Variants in LRP1B observed in about 807,000 individuals in gnomAD.
LRP1B encodes LDL receptor related protein 1B, also known as low-density lipoprotein receptor-related protein 1B.
In LRP1B, 217 loss-of-function variants were observed where a neutral mutation model predicts 556.6. That is an observed-to-expected ratio of 0.39 (90% CI 0.35 to 0.44). LRP1B has a LOEUF of 0.44. LRP1B is among the 20% of genes least tolerant of loss of function. LRP1B has a pLI of 1.00. For missense variants in LRP1B, 5,053 were observed against 5,620.8 expected, an observed-to-expected ratio of 0.90 and a Z score of 3.23; for synonymous variants, 2,047 against 1,865.8, an observed-to-expected ratio of 1.10 and a Z score of -2.50.
chr2:141,079,149 AG>A (rs762043874), intron 7 of LRP1B, among the ~76,000 whole-genome samples: 3 of 152,108 alleles, frequency 2.0e-5, no homozygotes, highest in Non-Finnish European at 2.9e-5. Flanking sequence ...ATCATTTGCA[AG>A]TATAAAAAAC....
chr2:141,734,692 C>T (rs958079603), intron 2 of LRP1B, among the ~76,000 whole-genome samples: 13 of 152,052 alleles, frequency 8.5e-5, no homozygotes, highest in African/African-American at 2.9e-4. Flanking sequence ...TGCCTGTCTC[C>T]TTGGCATTAT....
At chr2:141,379,119 A>C (rs1451766254) in intron 3 of LRP1B, among the ~76,000 whole-genome samples, 4 of 152,184 alleles carry the variant, frequency 2.6e-5, no homozygotes, top group African/African-American at 7.2e-5. Flanking sequence ...AGCAGTAAAG[A>C]AGCAGCAATT....
intron 41 of LRP1B, among the ~76,000 whole-genome samples, chr2:140,674,505 T>C (rs1038061714): frequency 6.6e-6 from 1 of 152,204 alleles, no homozygotes; most frequent in Non-Finnish European, 1.5e-5. Context: ...TCCAGATCTT[T>C]AGATAACAAT....
Position 140,951,863 on chromosome 2 carries a change from A to T in LRP1B, c.2965T>A (p.Ser989Thr), listed in dbSNP as rs2105302779. 6.2e-7 allele frequency: 1 copy of T among 1,612,486 alleles called. No homozygotes were observed. The highest frequency in any genetic ancestry group is 1.1e-5 in the South Asian group (1 of 91,046). The change falls in exon 19 of 91, where the codon TCT becomes ACT. Residue 989 changes from serine (S) to threonine (T), a missense_variant. This residue lies in a region of LRP1B where 3,619 missense variants were observed against 3,931.9 expected (regional missense o/e 0.92). Coordinates refer to ENST00000389484, the MANE Select transcript of LRP1B (RefSeq NM_018557.3). ...ACAGTGAGCATTTGGTACTTGCCAG[A>T]GTCGCAGTGCCATTTGCTGCTAATG... is the stretch of plus-strand genomic sequence containing the variant. ...RCISSKWHCDSDDDCGDGSDE... is the reference protein window; with the variant it reads ...RCISSKWHCDTDDDCGDGSDE...
At position 140,608,687 on chromosome 2, in the gene LRP1B, CTT is replaced by C. The variant is rs200237161; in HGVS notation, c.6800-7050_6800-7049del. Among the ~76,000 whole-genome samples the C allele has an allele frequency of 8.3e-3, 1,265 of 152,270 alleles. 16 individuals are homozygous for C. Among genetic ancestry groups the C allele is most frequent in the Middle Eastern group, 0.041 (12 of 294 alleles). On this transcript the variant is annotated intron_variant, in intron 41 of 90. Coordinates refer to ENST00000389484, the MANE Select transcript of LRP1B (RefSeq NM_018557.3). ...AAATATTTCCATGTTGTAAGAGAGT[CTT>C]TGCTTTACACTGCATAGCAAAACAG... is the stretch of plus-strand genomic sequence containing the variant.
intron 31 of LRP1B, among the ~76,000 whole-genome samples, chr2:140,823,837 G>A (rs1691410507): frequency 6.6e-6 from 1 of 151,910 alleles, no homozygotes; most frequent in Admixed American, 6.6e-5. Flanking sequence ...TACAGGAACA[G>A]AAAACCAAAT....
At chr2:141,760,934 AT>A (rs1428423935) in intron 2 of LRP1B, among the ~76,000 whole-genome samples, 1 of 152,180 alleles carries the variant, frequency 6.6e-6, no homozygotes, top group Non-Finnish European at 1.5e-5. Flanking sequence ...ACATCTTTCA[AT>A]TACCCTAAAA....
At chr2:140,953,256 A>AT (rs1378455264) in intron 18 of LRP1B, among the ~76,000 whole-genome samples, 2 of 151,936 alleles carry the variant, frequency 1.3e-5, no homozygotes, top group Non-Finnish European at 2.9e-5. Context: ...ATGCAGGCTA[A>AT]TTTTTTGTAT....
At chr2:140,855,493 G>GGGAAAAAAAAAAAAAAAA (rs570169727) in intron 27 of LRP1B, among the ~76,000 whole-genome samples, 4 of 99,370 alleles carry the variant, frequency 4.0e-5, no homozygotes, top group African/African-American at 7.6e-5. Context: ...TCTCTACTGG[G>GGGAAAAAAAAAAAAAAAA]AAAAAAAAAA....
intron 32 of LRP1B, among the ~76,000 whole-genome samples, chr2:140,804,248 C>A (rs961234137): frequency 2.0e-5 from 3 of 151,930 alleles, no homozygotes; most frequent in Admixed American, 2.0e-4. Context: ...TGTAAATCTG[C>A]GAGTGTTCAG....
intron 35 of LRP1B, among the ~76,000 whole-genome samples, chr2:140,746,796 T>C (rs1688328702): frequency 6.6e-6 from 1 of 151,784 alleles, no homozygotes; most frequent in African/African-American, 2.4e-5. Flanking sequence ...TGCAACAGAA[T>C]AAAAGGAAAA....
At chr2:141,211,303 T>TAA (rs113276473) in intron 6 of LRP1B, among the ~76,000 whole-genome samples, 4 of 137,982 alleles carry the variant, frequency 2.9e-5, no homozygotes, top group African/African-American at 8.4e-5. Flanking sequence ...TTCTTTTTTT[T>TAA]TAAAAAAAAA....
intron 3 of LRP1B, among the ~76,000 whole-genome samples, chr2:141,309,908 G>A (rs781410453): frequency 1.3e-5 from 2 of 152,040 alleles, no homozygotes; most frequent in Non-Finnish European, 2.9e-5. Context: ...AAAGATAAGT[G>A]TTCCTTAAAT....
intron 1 of LRP1B, among the ~76,000 whole-genome samples, chr2:141,870,667 A>C (rs1698554502): frequency 6.6e-6 from 1 of 151,984 alleles, no homozygotes; most frequent in East Asian, 1.9e-4. Context: ...CCAGAGCAGC[A>C]GGAATTAAGC....
intron 1 of LRP1B, among the ~76,000 whole-genome samples, chr2:142,034,715 T>G (rs951263169): frequency 1.3e-5 from 2 of 151,826 alleles, no homozygotes; most frequent in African/African-American, 4.8e-5. Flanking sequence ...GAATAAATCT[T>G]TACATTCAGA....
In LRP1B at chr2:141,956,387, C is replaced by A. The variant is rs188843334; in HGVS notation, c.83-145986G>T. ...TGTTTTATTGGCAATCCAGTTTACA[C>A]TCATTACCTGATAATATTTTTACTT... is the stretch of plus-strand genomic sequence containing the variant. On this transcript the variant is annotated intron_variant, in intron 1 of 90. Coordinates refer to ENST00000389484, the MANE Select transcript of LRP1B (RefSeq NM_018557.3). 3.2e-4 allele frequency among the ~76,000 whole-genome samples: 48 copies of A among 152,196 alleles called. 2 individuals are homozygous for A. In the East Asian group the frequency reaches 8.5e-3, roughly 27 times the overall value.
At chr2:141,167,626 C>T (rs2105130874) in intron 7 of LRP1B, among the ~76,000 whole-genome samples, 1 of 151,894 alleles carries the variant, frequency 6.6e-6, no homozygotes, top group African/African-American at 2.4e-5. Flanking sequence ...AAGTGATTTA[C>T]AGGTGATTAT....
chr2:142,001,159 A>G (rs573855371), intron 1 of LRP1B, among the ~76,000 whole-genome samples: 1 of 152,310 alleles, frequency 6.6e-6, no homozygotes, highest in East Asian at 1.9e-4. Context: ...CTGCAAGTCC[A>G]TTAAACCTCT....
chr2:141,093,985 G>A (rs1700235112), intron 7 of LRP1B, among the ~76,000 whole-genome samples: 1 of 152,006 alleles, frequency 6.6e-6, no homozygotes, highest in African/African-American at 2.4e-5. Context: ...CCAAAATGCT[G>A]GGATTACAGA....
Sources: gnomAD v4.1 joint callset for allele counts (sites outside exome capture counted in the v4.1 genomes callset) on GRCh38, gnomAD v4.1.1 for gene constraint, gnomAD v4.1.1 regional missense constraint, MANE v1.5 for transcripts, NCBI Gene and HGNC (gene_info 2026-07-23, HGNC 2026-07-21) for gene names.